DMD: variants seen among roughly 807,000 people sequenced by gnomAD.
DMD encodes the protein mutant dystrophin.
A neutral mutation model predicts 330.1 loss-of-function variants in DMD; 63 were observed. The ratio of observed to expected loss-of-function variants is 0.19; its 90% CI spans 0.16 to 0.24. The LOEUF (loss-of-function observed/expected upper bound fraction) is 0.24, where lower values mean the gene tolerates loss of function less well. Ranked by LOEUF, DMD falls within the 10% of genes least tolerant of loss-of-function variation. The pLI is 1.00. For synonymous variants in DMD, 1,223 were observed against 959.8 expected, an observed-to-expected ratio of 1.27 and a Z score of -5.07; for missense variants, 3,344 against 2,684.1, an observed-to-expected ratio of 1.25 and a Z score of -5.43.
chrX:33,010,415 C>T (rs998070175), intron 2 of DMD, among the ~76,000 whole-genome samples: 2 of 108,748 alleles, frequency 1.8e-5, no homozygotes, highest in Non-Finnish European at 3.8e-5. Context: ...TTGAGCCTCT[C>T]AAATCCAAAA....
chrX:31,427,222 T>C (rs1195625341), intron 60 of DMD, among the ~76,000 whole-genome samples: 1 of 111,937 alleles, frequency 8.9e-6, no homozygotes, highest in Non-Finnish European at 1.9e-5. Context: ...CCTCAGGTTA[T>C]ATCAGATCTT....
intron 47 of DMD, among the ~76,000 whole-genome samples, chrX:31,885,726 T>C (rs925324238): frequency 4.5e-5 from 5 of 109,907 alleles, no homozygotes; most frequent in Non-Finnish European, 7.6e-5. Context: ...ATACCCTTAA[T>C]ACTTAGTATC....
chrX:32,878,215 T>C (rs1439865587), intron 2 of DMD, among the ~76,000 whole-genome samples: 5 of 110,392 alleles, frequency 4.5e-5, no homozygotes, highest in Non-Finnish European at 9.5e-5. Flanking sequence ...CTCTCTCTAA[T>C]AAAAAGACAA....
At chrX:32,127,497 T>A (rs2096667246) in intron 44 of DMD, among the ~76,000 whole-genome samples, 1 of 111,398 alleles carries the variant, frequency 9.0e-6, no homozygotes, top group Admixed American at 9.6e-5. Flanking sequence ...CAGCCCTTTG[T>A]ACTTTTTTAC....
rs770771482 is a variant in DMD at position 32,828,617 on chromosome X, C to CTATATACATA, written c.265-5231_265-5230insTATGTATATA. The stretch of plus-strand genomic sequence containing the variant: ...TACACATATATACATATGTATACAT[C>CTATATACATA]TATACACATATATACATATGTATAC... On this transcript the variant is annotated intron_variant, in intron 4 of 78. Coordinates refer to ENST00000357033, the MANE Select transcript of DMD (RefSeq NM_004006.3). Among the ~76,000 whole-genome samples, 193 of 108,366 alleles carry CTATATACATA rather than the reference C, an allele frequency of 1.8e-3. 2 individuals carry two copies. The East Asian group carries it at 0.043, about 24-fold the overall frequency. 94.1% of individuals were successfully genotyped at this position (108,366 alleles called of 115,157 possible). A position where few individuals can be genotyped will look rare whatever the true frequency, so the allele number is the denominator to read the frequency against.
At position 32,334,784 on chromosome X, in the gene DMD, T is replaced by A. The variant is rs1365060843; in HGVS notation, c.5922+7316A>T. ...TGTCTAGATGTGAAAGTCTATAGAATCTAACCCCTTCATAGAAAGTCATAA... is the reference window on the plus strand; with the variant it reads ...TGTCTAGATGTGAAAGTCTATAGAAACTAACCCCTTCATAGAAAGTCATAA... On this transcript the variant is annotated intron_variant, in intron 41 of 78. Transcript: ENST00000357033. Among the ~76,000 whole-genome samples, 3 of 112,080 alleles carry A rather than the reference T, an allele frequency of 2.7e-5. No homozygotes were observed. The East Asian group carries it at 8.4e-4, about 31-fold the overall frequency.
At chrX:31,875,040 C>G in intron 48 of DMD, 148 bp downstream of exon 48, 1 of 523,231 alleles carries the variant, frequency 1.9e-6, no homozygotes, top group Non-Finnish European at 3.1e-6. Context: ...GTCCCTGTGC[C>G]TATTGTGGTT....
chrX:32,463,824 TATATC>T (rs1421208505), intron 24 of DMD, among the ~76,000 whole-genome samples: 1 of 112,181 alleles, frequency 8.9e-6, no homozygotes, highest in Non-Finnish European at 1.9e-5. Context: ...GTATTCTACT[TATATC>T]AGAAACAAAA....
intron 62 of DMD, among the ~76,000 whole-genome samples, chrX:31,319,483 C>T (rs967053411): frequency 1.8e-5 from 2 of 112,160 alleles, no homozygotes; most frequent in Non-Finnish European, 3.8e-5. Flanking sequence ...ATTTATGGAA[C>T]ATATTATTAT....
chrX:31,168,457 A>C (rs2039650172), intron 74 of DMD, among the ~76,000 whole-genome samples: 1 of 111,203 alleles, frequency 9.0e-6, no homozygotes, highest in Non-Finnish European at 1.9e-5. Context: ...CCATAGGTAA[A>C]AGGTGTTAAG....
chrX:33,225,945 T>C (rs573584844), intron 1 of DMD, among the ~76,000 whole-genome samples: 2 of 111,394 alleles, frequency 1.8e-5, no homozygotes, highest in African/African-American at 6.5e-5. Context: ...AGACAACACA[T>C]AGATGGCGGA....
At chrX:32,198,078 TAC>T (rs2097015129) in intron 44 of DMD, among the ~76,000 whole-genome samples, 1 of 111,774 alleles carries the variant, frequency 8.9e-6, no homozygotes, top group Admixed American at 9.6e-5. Context: ...GTGTTTCCCA[TAC>T]AGTTTCTTTA....
chrX:32,305,264 A>C (rs1412422384), intron 42 of DMD, among the ~76,000 whole-genome samples: 2 of 111,573 alleles, frequency 1.8e-5, no homozygotes, highest in Non-Finnish European at 3.8e-5. Context: ...GCTGTGAAAC[A>C]GATTCCAGAG....
chrX:33,197,127 G>A (rs920763209), intron 1 of DMD, among the ~76,000 whole-genome samples: 2 of 111,525 alleles, frequency 1.8e-5, no homozygotes, highest in Non-Finnish European at 1.9e-5. Flanking sequence ...TTTGTACCTT[G>A]AGTGATAGAC....
In DMD at chrX:31,507,392, T is replaced by C. The variant is rs754683750; in HGVS notation, c.8279A>G (p.Gln2760Arg). The C allele has an allele frequency of 8.3e-7, 1 of 1,211,612 alleles. No homozygotes were observed. Among genetic ancestry groups the C allele is most frequent in the Non-Finnish European group, 1.1e-6 (1 of 895,236 alleles). ...DVYHNLDENS[Q>R]KILRSLEGSD... ...ACCTTCCAGGGATCTCAGGATTTTT[T>C]GGCTGTTTTCATCCAGGTTGTGATA... Residue 2760 changes from glutamine to arginine, a missense_variant, in exon 56 of 79, where the codon CAA (glutamine) becomes CGA (arginine). Physicochemically the swap from Gln to Arg is conservative, Grantham distance 43. Coordinates refer to ENST00000357033, the MANE Select transcript of DMD (RefSeq NM_004006.3).
At chrX:31,273,170 T>C (rs1199825643) in intron 62 of DMD, among the ~76,000 whole-genome samples, 1 of 112,052 alleles carries the variant, frequency 8.9e-6, no homozygotes. Context: ...CAACGCAGCT[T>C]TAGTTCTTAG....
At chrX:32,467,722 A>G (rs1343733094) in intron 23 of DMD, among the ~76,000 whole-genome samples, 3 of 108,496 alleles carry the variant, frequency 2.8e-5, no homozygotes, top group Admixed American at 1.0e-4. Flanking sequence ...AAAAATGCCA[A>G]TAACACACAT....
chrX:32,364,611 T>A lies in DMD; in HGVS notation c.5125A>T (p.Lys1709Ter). The change falls in exon 36 of 79, where the codon AAA (lysine) becomes TAA (stop). Residue 1709 changes from lysine to a stop codon, truncating the protein, a stop_gained. Transcript: ENST00000357033. LOFTEE classifies it high-confidence loss of function. Reference sequence around the variant, plus strand: ...AGCACGTCTTCTTTTTGCTGGGGTTTCTTTTTCTCTGATTCATCCAAAAGT... The same window carrying A: ...AGCACGTCTTCTTTTTGCTGGGGTTACTTTTTCTCTGATTCATCCAAAAGT... ...DTLLDESEKK[K>*]PQQKEDVLKR... is the part of the protein sequence containing the mutation. 8.3e-7 allele frequency: 1 copy of A among 1,211,244 alleles called. No individual in the cohort carries two copies.
At chrX:32,872,459 C>T (rs373862750) in intron 2 of DMD, among the ~76,000 whole-genome samples, 173 of 112,038 alleles carry the variant, frequency 1.5e-3, no homozygotes, top group African/African-American at 5.3e-3. Context: ...TGACAGATAT[C>T]ACATGAGGTT....
Sources: gnomAD v4.1 joint callset for allele counts (sites outside exome capture counted in the v4.1 genomes callset) on GRCh38, gnomAD v4.1.1 for gene constraint, MANE v1.5 for transcripts, NCBI Gene and HGNC (gene_info 2026-07-23, HGNC 2026-07-21) for gene names.